C2orf49: variants seen among roughly 807,000 people sequenced by gnomAD.
C2orf49 encodes the protein tRNA splicing ligase complex subunit 2, also known as tRNA-splicing ligase complex subunit ASW.
C2orf49 carries 11 observed loss-of-function variants against 20.6 expected under a neutral mutation model. The observed-to-expected ratio is 0.53, with a 90% CI of 0.34 to 0.88. The LOEUF (loss-of-function observed/expected upper bound fraction) is 0.88, where lower values mean the gene tolerates loss of function less well. Ranked by LOEUF, C2orf49 falls within the 40% of genes least tolerant of loss-of-function variation. The pLI is 0.02. For synonymous variants in C2orf49, 134 were observed against 108.5 expected (o/e 1.24, Z -1.46); for missense variants, 289 against 274.2 (o/e 1.05, Z -0.38).
rs1307236730 is a variant in C2orf49 at position 105,347,910 on chromosome 2, G to A, written c.*2539G>A. On this transcript the variant is annotated 3_prime_UTR_variant, in exon 4 of 4. Coordinates refer to ENST00000258457, the MANE Select transcript of C2orf49 (RefSeq NM_024093.3). Reference sequence around the variant, plus strand: ...AAAGCCAGCTTTTCTTATTATTGGAGTAGGCAAATGAATGGCATTAGAATT... The same window carrying A: ...AAAGCCAGCTTTTCTTATTATTGGAATAGGCAAATGAATGGCATTAGAATT... The A allele has an allele frequency of 6.6e-6, 1 of 152,198 alleles. No homozygotes were observed. The highest frequency in any genetic ancestry group is 1.5e-5 in the Non-Finnish European group (1 of 68,052). The allele number at this position is 152,198 out of a possible 1,614,324, so 9.4% of individuals were successfully genotyped here. A position where few individuals can be genotyped will look rare whatever the true frequency, so the allele number is the denominator to read the frequency against.
chr2:105,370,974 A>T, the C2orf49 span, among the ~76,000 whole-genome samples: 1 of 152,198 alleles, frequency 6.6e-6, no homozygotes, highest in African/African-American at 2.4e-5. Flanking sequence ...TTCTTACCAC[A>T]GAGCCTGAAT....
the C2orf49 span, chr2:105,363,224 A>T: frequency 4.1e-5 from 64 of 1,553,484 alleles, no homozygotes; most frequent in Non-Finnish European, 4.5e-5. Context: ...CACAGGCTAA[A>T]ATGCTAGGCC....
chr2:105,384,364 G>A, the C2orf49 span, among the ~76,000 whole-genome samples: 8 of 152,198 alleles, frequency 5.3e-5, no homozygotes, highest in Non-Finnish European at 1.2e-4. Flanking sequence ...GACGTGTCAC[G>A]AAAAGAATAA....
chr2:105,366,774 C>T, the C2orf49 span, among the ~76,000 whole-genome samples: 1 of 152,148 alleles, frequency 6.6e-6, no homozygotes, highest in Non-Finnish European at 1.5e-5. Context: ...GAGATGGAGT[C>T]TCGCTCAGTC....
At chr2:105,366,748 A>ATT in the C2orf49 span, among the ~76,000 whole-genome samples, 4 of 151,980 alleles carry the variant, frequency 2.6e-5, no homozygotes, top group Admixed American at 6.6e-5. Flanking sequence ...TTATTTATTT[A>ATT]TTTTTTTAAT....
chr2:105,380,480 C>T, the C2orf49 span, among the ~76,000 whole-genome samples: 1 of 152,202 alleles, frequency 6.6e-6, no homozygotes, highest in African/African-American at 2.4e-5. Flanking sequence ...CCTCCTGCCT[C>T]AGCCTCCCAA....
chr2:105,363,219 G>A, the C2orf49 span: 1 of 1,519,622 alleles, frequency 6.6e-7, no homozygotes, highest in Non-Finnish European at 9.0e-7. Context: ...AGGGTCACAG[G>A]CTAAAATGCT....
At chr2:105,350,381 G>A (rs1425463002), downstream of C2orf49, among the ~76,000 whole-genome samples, 2 of 152,204 alleles carry the variant, frequency 1.3e-5, no homozygotes, top group Non-Finnish European at 2.9e-5. Flanking sequence ...GTAGGCAGGA[G>A]CCAGATGATG....
At chr2:105,385,195 C>T in the C2orf49 span, among the ~76,000 whole-genome samples, 754 of 152,300 alleles carry the variant, frequency 5.0e-3, 8 homozygotes, top group African/African-American at 0.017. Flanking sequence ...GTACCTCTTT[C>T]GTCTCTGCTC....
the C2orf49 span, among the ~76,000 whole-genome samples, chr2:105,366,891 G>C: frequency 6.6e-6 from 1 of 152,114 alleles, no homozygotes; most frequent in Non-Finnish European, 1.5e-5. Flanking sequence ...GACTACAGGC[G>C]TGTGCCACCA....
At position 105,347,991 on chromosome 2, in the gene C2orf49, A is replaced by G. The variant is rs1328390340; in HGVS notation, c.*2620A>G. On this transcript the variant is annotated 3_prime_UTR_variant, in exon 4 of 4. Transcript: ENST00000258457. Reference sequence around the variant, plus strand: ...CACTTTACCACTTCCTGCCATTAGCAGGCATCCTTGTTTTTTCTTTTCCCT... The same window carrying G: ...CACTTTACCACTTCCTGCCATTAGCGGGCATCCTTGTTTTTTCTTTTCCCT... The G allele has an allele frequency of 1.1e-5, 1 of 93,838 alleles. No individual in the cohort carries two copies. The highest frequency in any genetic ancestry group is 4.1e-5 in the African/African-American group (1 of 24,152). The allele number at this position is 93,838 out of a possible 1,614,324, so 5.8% of individuals were successfully genotyped here. A position where few individuals can be genotyped will look rare whatever the true frequency, so the allele number is the denominator to read the frequency against.
Position 105,347,336 on chromosome 2 carries a change from AG to A in C2orf49, c.*1966del, listed in dbSNP as rs1679839579. The A allele has an allele frequency of 6.6e-6, 1 of 152,198 alleles. No individual in the cohort carries two copies. The highest frequency in any genetic ancestry group is 2.4e-5 in the African/African-American group (1 of 41,450). The allele number at this position is 152,198 out of a possible 1,614,324, so 9.4% of individuals were successfully genotyped here. The stretch of plus-strand genomic sequence containing the variant: ...GATTGACAAATTTTATTTTATATTC[AG>A]TTGTCCTCTCTGCTTCCATCTGTGT... On this transcript the variant is annotated 3_prime_UTR_variant, in exon 4 of 4. Transcript: ENST00000258457.
chr2:105,376,828 A>G, the C2orf49 span: 2 of 152,282 alleles, frequency 1.3e-5, no homozygotes, highest in Non-Finnish European at 2.9e-5. Context: ...AATTTTATTC[A>G]GCCTTAGAAA....
At chr2:105,345,149 A>G (rs1679778206) in intron 3 of C2orf49, among the ~76,000 whole-genome samples, 166 bp from the exon 4 acceptor site, 1 of 152,184 alleles carries the variant, frequency 6.6e-6, no homozygotes, top group African/African-American at 2.4e-5. Flanking sequence ...TGAGAACCAC[A>G]GAGCTAGAGA....
the C2orf49 span, chr2:105,361,318 C>G: frequency 5.0e-6 from 8 of 1,614,070 alleles, no homozygotes; most frequent in Admixed American, 1.3e-4. Context: ...CACAGGATGT[C>G]GTCCCTCTCT....
downstream of C2orf49, among the ~76,000 whole-genome samples, chr2:105,352,433 T>TG (rs1367485117): frequency 2.5e-5 from 3 of 120,024 alleles, no homozygotes; most frequent in African/African-American, 8.6e-5. Context: ...GTTTGGGTTT[T>TG]TTTTTTTTTT....
the C2orf49 span, among the ~76,000 whole-genome samples, chr2:105,362,741 G>A: frequency 6.6e-6 from 1 of 152,168 alleles, no homozygotes; most frequent in African/African-American, 2.4e-5. Context: ...TAATAGTCTA[G>A]TCCAGAAGCC....
chr2:105,374,600 C>G, the C2orf49 span: 1 of 152,078 alleles, frequency 6.6e-6, no homozygotes, highest in Admixed American at 6.6e-5. Flanking sequence ...CCTGAGAAGA[C>G]AGACGTGTGC....
chr2:105,371,747 T>C, the C2orf49 span, among the ~76,000 whole-genome samples: 3 of 152,086 alleles, frequency 2.0e-5, no homozygotes, highest in African/African-American at 7.2e-5. Context: ...GCCCCTAGAG[T>C]CCCCAGTGGA....
Sources: allele counts gnomAD v4.1 joint callset (sites outside exome capture counted in the v4.1 genomes callset), GRCh38; gene constraint gnomAD v4.1.1; transcripts MANE v1.5; gene names NCBI Gene and HGNC (gene_info 2026-07-23, HGNC 2026-07-21).